EPHA6: variants seen among roughly 807,000 people sequenced by gnomAD.
EPHA6 encodes the protein ephrin type-A receptor 6.
Under a neutral mutation model 112.0 loss-of-function variants are expected in EPHA6, and 50 were observed. That is an observed-to-expected ratio of 0.45 (90% confidence interval 0.36 to 0.56). The LOEUF (loss-of-function observed/expected upper bound fraction) is 0.56. Among genes scored for constraint, EPHA6 ranks in the 20% least tolerant of loss-of-function variants. The pLI is 0.00. For synonymous variants in EPHA6, 529 were observed against 490.7 expected, an observed-to-expected ratio of 1.08 and a Z score of -1.03; for missense variants, 1,280 against 1,417.4, an observed-to-expected ratio of 0.90 and a Z score of 1.56.
chr3:97,186,973 A>T (rs2077156803), intron 3 of EPHA6, among the ~76,000 whole-genome samples: 1 of 152,076 alleles, frequency 6.6e-6, no homozygotes, highest in Admixed American at 6.6e-5. Flanking sequence ...GGCCTAGAAG[A>T]CCATATCACA....
rs866918309 is a variant in EPHA6, at chr3:97,712,264, G to A, written c.2785-7997G>A. Among the ~76,000 whole-genome samples the A allele has an allele frequency of 5.3e-5, 8 of 152,238 alleles. No individual in the cohort carries two copies. The South Asian group carries it at 8.3e-4, about 16-fold the overall frequency. ...CACTGGGGAGGGTAGGCTGGGGTAG[G>A]TAGTCTTCTGTACAGCTGGGTTTAA... On this transcript the variant is annotated intron_variant, in intron 14 of 17. Transcript: ENST00000389672.
At chr3:96,815,175 C>T (rs1264393167) in intron 1 of EPHA6, among the ~76,000 whole-genome samples, 167 bp downstream of exon 1, 1 of 152,062 alleles carries the variant, frequency 6.6e-6, no homozygotes, top group African/African-American at 2.4e-5. Context: ...CTGTTTACAC[C>T]GCCCGGGACG....
At chr3:96,837,479 G>A (rs763027986) in intron 1 of EPHA6, among the ~76,000 whole-genome samples, 86 of 152,180 alleles carry the variant, frequency 5.7e-4, no homozygotes, top group Middle Eastern at 3.4e-3. Context: ...GACAAGGAAC[G>A]AATTTTGTAT....
chr3:97,470,354 A>AT (rs2091191015), intron 7 of EPHA6, among the ~76,000 whole-genome samples: 1 of 151,726 alleles, frequency 6.6e-6, no homozygotes, highest in Non-Finnish European at 1.5e-5. Flanking sequence ...ACTGAGCAGC[A>AT]TTTTTTGTGA....
chr3:97,679,381 G>A (rs2107678051), intron 14 of EPHA6, among the ~76,000 whole-genome samples: 1 of 152,230 alleles, frequency 6.6e-6, no homozygotes, highest in South Asian at 2.1e-4. Context: ...CATTTGAAGT[G>A]TGTGGGTTCC....
intron 2 of EPHA6, among the ~76,000 whole-genome samples, chr3:96,895,283 T>A (rs1344325744): frequency 2.0e-5 from 3 of 151,656 alleles, no homozygotes; most frequent in Admixed American, 6.6e-5. Context: ...ATTAAAAAAA[T>A]AAAAAATAAT....
intron 2 of EPHA6, among the ~76,000 whole-genome samples, chr3:96,957,550 A>C (rs1025488368): frequency 1.3e-5 from 2 of 152,210 alleles, no homozygotes; most frequent in Admixed American, 6.5e-5. Context: ...GAAGTTATTA[A>C]ATTTCAATCA....
At chr3:96,912,070 A>C (rs2039245555) in intron 2 of EPHA6, among the ~76,000 whole-genome samples, 1 of 152,174 alleles carries the variant, frequency 6.6e-6, no homozygotes, top group African/African-American at 2.4e-5. Context: ...ATACACGTAA[A>C]GAGAAAAAAG....
chr3:96,815,161 C>T (rs942628377), intron 1 of EPHA6, among the ~76,000 whole-genome samples, 153 bp downstream of exon 1: 1 of 152,060 alleles, frequency 6.6e-6, no homozygotes, highest in African/African-American at 2.4e-5. Flanking sequence ...CTTACCCTAG[C>T]GCCCTGTTTA....
chr3:97,625,101 G>T (rs1398043110), intron 13 of EPHA6, among the ~76,000 whole-genome samples: 1 of 151,132 alleles, frequency 6.6e-6, no homozygotes, highest in Non-Finnish European at 1.5e-5. Flanking sequence ...GTTTTAGTTT[G>T]TTCTTCTCTT....
intron 5 of EPHA6, among the ~76,000 whole-genome samples, chr3:97,340,403 A>T (rs986864470): frequency 6.6e-6 from 1 of 152,132 alleles, no homozygotes; most frequent in Non-Finnish European, 1.5e-5. Context: ...TAGTAAAATC[A>T]TGAAGGACAG....
At chr3:97,104,088 G>C (rs2047490658) in intron 3 of EPHA6, among the ~76,000 whole-genome samples, 1 of 152,094 alleles carries the variant, frequency 6.6e-6, no homozygotes, top group Non-Finnish European at 1.5e-5. Context: ...CATGTCATCT[G>C]AAAACAGGTA....
chr3:97,233,134 A>C (rs151300402), intron 4 of EPHA6, among the ~76,000 whole-genome samples: 148 of 152,114 alleles, frequency 9.7e-4, no homozygotes, highest in Non-Finnish European at 1.6e-3. Context: ...TTTTAGAGAG[A>C]TAGTTTAACA....
chr3:97,735,000 T>C (rs1489324547), intron 15 of EPHA6, among the ~76,000 whole-genome samples: 1 of 152,092 alleles, frequency 6.6e-6, no homozygotes, highest in African/African-American at 2.4e-5. Context: ...GAAAAATAGT[T>C]GTTATCTTGT....
intron 3 of EPHA6, among the ~76,000 whole-genome samples, chr3:97,047,118 G>A (rs1328316528): frequency 2.0e-5 from 3 of 151,852 alleles, no homozygotes; most frequent in Admixed American, 1.3e-4. Context: ...TAATGATAGG[G>A]TGTATATGGA....
At chr3:97,426,303 G>C (rs1389616157) in intron 6 of EPHA6, among the ~76,000 whole-genome samples, 1 of 152,196 alleles carries the variant, frequency 6.6e-6, no homozygotes, top group African/African-American at 2.4e-5. Flanking sequence ...AGAACCAAAT[G>C]TATGTCTTAC....
At chr3:97,247,164 TGATA>T (rs1328246971) in intron 5 of EPHA6, among the ~76,000 whole-genome samples, 5 of 152,034 alleles carry the variant, frequency 3.3e-5, no homozygotes, top group African/African-American at 1.2e-4. Context: ...AAAAACTATC[TGATA>T]ACACGTTACG....
chr3:97,652,197 C>T (rs1239937337), intron 14 of EPHA6, among the ~76,000 whole-genome samples: 1 of 152,046 alleles, frequency 6.6e-6, no homozygotes, highest in Non-Finnish European at 1.5e-5. Flanking sequence ...ATGCTTTTGT[C>T]CTTCAACAGT....
intron 2 of EPHA6, among the ~76,000 whole-genome samples, chr3:96,868,692 ATATATGAGGTAAAG>A (rs1311129605): frequency 2.6e-5 from 4 of 151,998 alleles, no homozygotes; most frequent in Non-Finnish European, 5.9e-5. Context: ...ATAATTGGCA[ATATATGAGGTAAAG>A]TATGTTTGGT....
Sources: gnomAD v4.1 joint callset for allele counts (sites outside exome capture counted in the v4.1 genomes callset) on GRCh38, gnomAD v4.1.1 for gene constraint, MANE v1.5 for transcripts, NCBI Gene and HGNC (gene_info 2026-07-23, HGNC 2026-07-21) for gene names.